STON2: variants seen among roughly 807,000 people sequenced by gnomAD.
The protein encoded by STON2 is stonin 2, also known as stonin-2.
Under a neutral mutation model 65.7 loss-of-function variants are expected in STON2, and 29 were observed. The ratio of observed to expected loss-of-function variants is 0.44; its 90% CI spans 0.33 to 0.60. STON2 has a LOEUF of 0.60. Ranked by LOEUF, STON2 falls within the 20% of genes least tolerant of loss-of-function variation. STON2 has a pLI of 0.03. For missense variants in STON2, 1,054 were observed against 1,118.1 expected, an observed-to-expected ratio of 0.94 and a Z score of 0.82; for synonymous variants, 404 against 414.2, an observed-to-expected ratio of 0.98 and a Z score of 0.30.
At chr14:81,292,545 G>T in intron 5 of STON2, among the ~76,000 whole-genome samples, 1 of 152,212 alleles carries the variant, frequency 6.6e-6, no homozygotes, top group East Asian at 1.9e-4. Flanking sequence ...GTTTTATAAG[G>T]GGTTTTGCCC....
chr14:81,330,074 C>G (rs569926971), intron 4 of STON2, among the ~76,000 whole-genome samples: 1 of 152,348 alleles, frequency 6.6e-6, no homozygotes, highest in African/African-American at 2.4e-5. Context: ...ACCTCTCTAT[C>G]CTGTTGTATC....
intron 2 of STON2, among the ~76,000 whole-genome samples, chr14:81,419,189 G>A (rs976592673): frequency 3.3e-5 from 5 of 152,100 alleles, no homozygotes; most frequent in Admixed American, 1.3e-4. Context: ...ACAGTACTAT[G>A]TTGAGGCCTA....
chr14:81,341,449 TTTTTTTTG>T (rs1447347318), intron 4 of STON2, among the ~76,000 whole-genome samples: 23 of 122,594 alleles, frequency 1.9e-4, no homozygotes, highest in East Asian at 9.3e-4. Flanking sequence ...TATAAGTGTT[TTTTTTTTG>T]TTTTTTTTTT....
intron 5 of STON2, among the ~76,000 whole-genome samples, chr14:81,313,373 C>T (rs1265236840): frequency 6.6e-6 from 1 of 152,178 alleles, no homozygotes; most frequent in Non-Finnish European, 1.5e-5. Context: ...TGACGCAGCA[C>T]CTTCTGTCGT....
chr14:81,417,852 C>A (rs926314578), intron 2 of STON2, among the ~76,000 whole-genome samples: 1 of 152,104 alleles, frequency 6.6e-6, no homozygotes, highest in Non-Finnish European at 1.5e-5. Context: ...GTTAGACCCT[C>A]GGGTGACAGA....
rs1241545015 is a variant in STON2, at chr14:81,260,774, A to G, written c.*7640T>C. The G allele has an allele frequency of 1.3e-5, 2 of 151,896 alleles. No individual in the cohort carries two copies. The highest frequency in any genetic ancestry group is 2.9e-5 in the Non-Finnish European group (2 of 67,994). 9.4% of individuals were successfully genotyped at this position (151,896 alleles called of 1,614,324 possible). A position where few individuals can be genotyped will look rare whatever the true frequency, so the allele number is the denominator to read the frequency against. On this transcript the variant is annotated 3_prime_UTR_variant, in exon 8 of 8. Transcript: ENST00000614646. ...ATAGCCAGTGTGTAGACTTTATTAC[A>G]TAGGCACATATTAAAAAAAAAAAAA...
At chr14:81,358,497 C>T (rs1898351027) in intron 4 of STON2, among the ~76,000 whole-genome samples, 1 of 152,024 alleles carries the variant, frequency 6.6e-6, no homozygotes, top group African/African-American at 2.4e-5. Context: ...AATGTATCTA[C>T]AAAACAACCA....
chr14:81,304,177 G>C (rs1007270236), intron 5 of STON2, among the ~76,000 whole-genome samples: 11 of 152,040 alleles, frequency 7.2e-5, no homozygotes, highest in African/African-American at 2.7e-4. Flanking sequence ...AAACCTCCTT[G>C]AGACCAGGGT....
intron 4 of STON2, among the ~76,000 whole-genome samples, chr14:81,370,494 C>A (rs1898934539): frequency 1.3e-5 from 2 of 152,214 alleles, no homozygotes; most frequent in African/African-American, 2.4e-5. Context: ...CAAGGCACAA[C>A]AGAATAAACA....
intron 5 of STON2, among the ~76,000 whole-genome samples, chr14:81,316,532 A>G (rs773110492): frequency 3.3e-5 from 5 of 152,226 alleles, no homozygotes; most frequent in Non-Finnish European, 5.9e-5. Flanking sequence ...ACAAGGTACT[A>G]TCAGCAGATT....
intron 4 of STON2, among the ~76,000 whole-genome samples, chr14:81,342,444 C>G (rs2140296055): frequency 6.6e-6 from 1 of 152,142 alleles, no homozygotes; most frequent in South Asian, 2.1e-4. Flanking sequence ...CCATAATGGA[C>G]TTTTGATTTC....
chr14:81,381,991 AGGC>A (rs1442665695), intron 3 of STON2, among the ~76,000 whole-genome samples: 5 of 152,104 alleles, frequency 3.3e-5, no homozygotes, highest in Non-Finnish European at 5.9e-5. Flanking sequence ...AGGCTGACAC[AGGC>A]GGATTACGAG....
At chr14:81,380,122 T>TATA (rs1566935316) in intron 3 of STON2, among the ~76,000 whole-genome samples, 1 of 152,196 alleles carries the variant, frequency 6.6e-6, no homozygotes, top group Non-Finnish European at 1.5e-5. Context: ...GTCAAGAATC[T>TATA]ATAAGAAACT....
intron 1 of STON2, among the ~76,000 whole-genome samples, chr14:81,430,408 A>G (rs1046224369): frequency 2.6e-5 from 4 of 152,202 alleles, no homozygotes; most frequent in Non-Finnish European, 4.4e-5. Flanking sequence ...TCAGATGAAC[A>G]TAACTCCCAA....
chr14:81,300,470 A>T (rs1439986366), intron 5 of STON2, among the ~76,000 whole-genome samples: 1 of 152,200 alleles, frequency 6.6e-6, no homozygotes, highest in Non-Finnish European at 1.5e-5. Context: ...CATCAGTAAA[A>T]AAGTTAAAAG....
chr14:81,412,978 C>T (rs1901239763), intron 2 of STON2: 2 of 1,055,872 alleles, frequency 1.9e-6, no homozygotes, highest in Admixed American at 1.8e-5. Context: ...CCATGTGCGA[C>T]CAAAAGGCCG....
chr14:81,303,957 C>T (rs147326135), intron 5 of STON2, among the ~76,000 whole-genome samples: 15 of 152,288 alleles, frequency 9.8e-5, no homozygotes, highest in Non-Finnish European at 2.9e-5. Context: ...GTGCTCCTGA[C>T]CAACCTCTTC....
chr14:81,357,549 G>A (rs1045898746), intron 4 of STON2, among the ~76,000 whole-genome samples: 3 of 151,364 alleles, frequency 2.0e-5, no homozygotes, highest in Non-Finnish European at 4.4e-5. Flanking sequence ...CCCATTACTG[G>A]GTATATACCC....
intron 4 of STON2, among the ~76,000 whole-genome samples, chr14:81,358,891 A>C (rs374865116): frequency 6.6e-4 from 101 of 152,308 alleles, no homozygotes; most frequent in African/African-American, 2.4e-3. Context: ...AATACATAAA[A>C]CAAACATTAA....
Sources: allele counts gnomAD v4.1 joint callset (sites outside exome capture counted in the v4.1 genomes callset), GRCh38; gene constraint gnomAD v4.1.1; transcripts MANE v1.5; gene names NCBI Gene and HGNC (gene_info 2026-07-23, HGNC 2026-07-21).